The following DHX57 variants were observed in gnomAD, a reference collection of about 807,000 sequenced individuals.
DHX57 encodes putative ATP-dependent RNA helicase DHX57.
Under a neutral mutation model 156.2 loss-of-function variants are expected in DHX57, and 105 were observed. The observed-to-expected ratio is 0.67, with a 90% CI of 0.57 to 0.79. The LOEUF (loss-of-function observed/expected upper bound fraction) is 0.79. Ranked by LOEUF, DHX57 falls within the 30% of genes least tolerant of loss-of-function variation. The probability of loss-of-function intolerance (pLI) is 0.00; values close to 1 mark genes in which losing one functional copy is unlikely to be tolerated. For synonymous variants in DHX57, 704 were observed against 595.6 expected, an observed-to-expected ratio of 1.18 and a Z score of -2.65; for missense variants, 1,847 against 1,661.9, an observed-to-expected ratio of 1.11 and a Z score of -1.94.
chr2:38,811,935 T>G (rs11683880), intron 21 of DHX57, among the ~76,000 whole-genome samples: 1 of 152,186 alleles, frequency 6.6e-6, no homozygotes, highest in African/African-American at 2.4e-5. Context: ...TTCTTTTTTC[T>G]TTTTTTAGAG....
intron 12 of DHX57, among the ~76,000 whole-genome samples, chr2:38,841,770 G>A (rs965489864): frequency 1.3e-5 from 2 of 152,008 alleles, no homozygotes; most frequent in Non-Finnish European, 2.9e-5. Context: ...TAGTGATCCT[G>A]GGGTTTCTAT....
chr2:38,856,225 T>G, intron 7 of DHX57, 115 bp downstream of exon 7: 1 of 1,416,060 alleles, frequency 7.1e-7, no homozygotes, highest in Non-Finnish European at 9.3e-7. Flanking sequence ...AAGGCAGATG[T>G]ATATAATATC....
intron 1 of DHX57, among the ~76,000 whole-genome samples, chr2:38,870,900 CA>C (rs966022153): frequency 7.0e-5 from 10 of 142,818 alleles, no homozygotes; most frequent in South Asian, 2.2e-4. Context: ...AAACAAAAAA[CA>C]AAAAAAAAAC....
chr2:38,798,892 G>C lies in DHX57; in HGVS notation c.4018-450C>G, dbSNP rs780681467. ...CAGGAGGTGGAGGTTGCAGTGAGCT[G>C]AGATCGCGCCATTGCACTCCAGCCT... is the stretch of plus-strand genomic sequence containing the variant. On this transcript the variant is annotated intron_variant, in intron 23 of 23. Coordinates refer to ENST00000457308, the MANE Select transcript of DHX57 (RefSeq NM_198963.3). Among the ~76,000 whole-genome samples, 80 of 151,746 alleles carry C rather than the reference G, an allele frequency of 5.3e-4. 1 individual carries two copies. The highest frequency in any genetic ancestry group is 1.0e-4 in the Non-Finnish European group (7 of 67,888).
intron 14 of DHX57, among the ~76,000 whole-genome samples, chr2:38,826,905 C>T (rs1178098683): frequency 1.3e-5 from 2 of 151,970 alleles, no homozygotes; most frequent in Admixed American, 6.6e-5. Context: ...CTGAGGCAGG[C>T]GGATCACCCG....
chr2:38,847,010 C>A lies in DHX57; in HGVS notation c.2219+9G>T, dbSNP rs756470903. ...CCTTTCACTGAATCTTAATTAATAT[C>A]TTCCTTACCTTGTCACAGCAATTGC... is the stretch of plus-strand genomic sequence containing the variant. On this transcript the variant is annotated intron_variant, in intron 11 of 23. Transcript: ENST00000457308. 3.1e-6 allele frequency: 5 copies of A among 1,609,518 alleles called. No homozygotes were observed. Among genetic ancestry groups the A allele is most frequent in the East Asian group, 4.5e-5 (2 of 44,820 alleles).
intron 10 of DHX57, among the ~76,000 whole-genome samples, chr2:38,847,579 A>G (rs968723409): frequency 1.3e-5 from 2 of 152,180 alleles, no homozygotes; most frequent in Non-Finnish European, 2.9e-5. Flanking sequence ...GAAGTGCCCA[A>G]AGAAAACACA....
At chr2:38,875,479 C>A (rs1464792690) in intron 1 of DHX57, among the ~76,000 whole-genome samples, 2 of 152,174 alleles carry the variant, frequency 1.3e-5, no homozygotes, top group Non-Finnish European at 1.5e-5. Flanking sequence ...GGAGCCTGAT[C>A]CCTTCAATCA....
In DHX57 at chr2:38,829,004, G is replaced by T. The variant is rs115851105; in HGVS notation, c.2543-568C>A. On this transcript the variant is annotated intron_variant, in intron 13 of 23. Transcript: ENST00000457308. ...CACCCAGGCTGAAGTGCAGTTGCGC[G>T]ATCACGGCTCACTGCAGCCTCAACC... 5.9e-3 allele frequency among the ~76,000 whole-genome samples: 895 copies of T among 152,154 alleles called. 8 individuals are homozygous for T. Among genetic ancestry groups the T allele is most frequent in the African/African-American group, 0.021 (861 of 41,510 alleles).
At chr2:38,827,736 T>C (rs948531330) in intron 14 of DHX57, among the ~76,000 whole-genome samples, 3 of 151,518 alleles carry the variant, frequency 2.0e-5, no homozygotes, top group Non-Finnish European at 1.5e-5. Flanking sequence ...TGAAGATGAT[T>C]TTCTCTCATA....
chr2:38,862,041 G>T lies in DHX57; in HGVS notation c.572+104C>A, dbSNP rs113223594. ...AATATTAGGCCTATCAGGCATTGCT[G>T]GAACCCACATAATAGGAAAGTACAC... On this transcript the variant is annotated intron_variant, in intron 4 of 23. Coordinates refer to ENST00000457308, the MANE Select transcript of DHX57 (RefSeq NM_198963.3). The T allele has an allele frequency of 1.5e-5, 20 of 1,351,734 alleles. No homozygotes were observed. In the African/African-American group the frequency reaches 2.7e-4, roughly 18 times the overall value. The allele number at this position is 1,351,734 out of a possible 1,614,324, so 83.7% of individuals were successfully genotyped here.
At chr2:38,817,226 A>G (rs921617533) in intron 19 of DHX57, among the ~76,000 whole-genome samples, 1 of 151,600 alleles carries the variant, frequency 6.6e-6, no homozygotes, top group Non-Finnish European at 1.5e-5. Flanking sequence ...GCCACTGCGC[A>G]GGGTCCCAAA....
intron 9 of DHX57, among the ~76,000 whole-genome samples, chr2:38,852,701 C>T (rs1672668262): frequency 6.6e-6 from 1 of 150,856 alleles, no homozygotes; most frequent in Admixed American, 6.6e-5. Context: ...CACAGCCTTG[C>T]ACTCCTGAAC....
At chr2:38,828,610 C>T (rs1299607144) in intron 13 of DHX57, among the ~76,000 whole-genome samples, 174 bp from the exon 14 acceptor site, 1 of 152,060 alleles carries the variant, frequency 6.6e-6, no homozygotes, top group African/African-American at 2.4e-5. Flanking sequence ...GTGGTCTCAG[C>T]TACTCGGCAG....
chr2:38,856,654 C>T (rs1672916417), intron 6 of DHX57, 193 bp from the exon 7 acceptor site: 2 of 566,482 alleles, frequency 3.5e-6, no homozygotes, highest in African/African-American at 1.9e-5. Context: ...CAGGTGTGTG[C>T]CACTATACCC....
chr2:38,870,928 C>T (rs958736529), intron 1 of DHX57, among the ~76,000 whole-genome samples: 1 of 151,228 alleles, frequency 6.6e-6, no homozygotes, highest in African/African-American at 2.4e-5. Flanking sequence ...AAATAGTTAA[C>T]CAAAAATCCA....
intron 9 of DHX57, among the ~76,000 whole-genome samples, chr2:38,851,235 A>T (rs1672576290): frequency 6.6e-6 from 1 of 152,198 alleles, no homozygotes; most frequent in African/African-American, 2.4e-5. Context: ...AAAGAGACTA[A>T]AATTATAACA....
intron 1 of DHX57, among the ~76,000 whole-genome samples, chr2:38,871,680 G>C (rs1572719595): frequency 6.6e-6 from 1 of 151,808 alleles, no homozygotes; most frequent in African/African-American, 2.4e-5. Flanking sequence ...AGAGGTACCA[G>C]CTGCCAGACT....
intron 21 of DHX57, among the ~76,000 whole-genome samples, 172 bp from the exon 22 acceptor site, chr2:38,806,865 CTTTT>C (rs34006142): frequency 7.3e-6 from 1 of 137,136 alleles, no homozygotes; most frequent in East Asian, 2.1e-4. Context: ...CAAGCACATG[CTTTT>C]TTTTTTTTTT....
Sources: allele counts gnomAD v4.1 joint callset (sites outside exome capture counted in the v4.1 genomes callset), GRCh38; gene constraint gnomAD v4.1.1; transcripts MANE v1.5; gene names NCBI Gene and HGNC (gene_info 2026-07-23, HGNC 2026-07-21).